The following TSHZ2 variants were observed in gnomAD, a reference collection of about 807,000 sequenced individuals.
TSHZ2 encodes the protein teashirt zinc finger homeobox 2.
Under a neutral mutation model 74.4 loss-of-function variants are expected in TSHZ2, and 21 were observed. The ratio of observed to expected loss-of-function variants is 0.28; its 90% CI spans 0.20 to 0.41. The LOEUF (loss-of-function observed/expected upper bound fraction) is 0.41. Among genes scored for constraint, TSHZ2 ranks in the 10% least tolerant of loss-of-function variants. TSHZ2 has a pLI of 1.00. For synonymous variants in TSHZ2, 540 were observed against 515.3 expected, an observed-to-expected ratio of 1.05 and a Z score of -0.65; for missense variants, 1,244 against 1,293.5, an observed-to-expected ratio of 0.96 and a Z score of 0.59.
intron 1 of TSHZ2, among the ~76,000 whole-genome samples, chr20:53,162,686 T>C (rs12479904): frequency 0.21 from 31,475 of 152,086 alleles, 3,474 homozygotes; most frequent in East Asian, 0.42. Context: ...GTGGGGGTGT[T>C]GCATGGGAAA....
chr20:53,205,635 G>A (rs1392265816), intron 1 of TSHZ2, among the ~76,000 whole-genome samples: 2 of 152,092 alleles, frequency 1.3e-5, no homozygotes, highest in African/African-American at 2.4e-5. Flanking sequence ...CATGAGATCC[G>A]AGCATATTTA....
intron 1 of TSHZ2, among the ~76,000 whole-genome samples, chr20:53,050,815 A>G (rs1168789799): frequency 1.3e-5 from 2 of 152,240 alleles, no homozygotes; most frequent in African/African-American, 2.4e-5. Flanking sequence ...ATTTGCAGAA[A>G]GGAGATAACT....
At chr20:53,153,814 C>A (rs561361506) in intron 1 of TSHZ2, among the ~76,000 whole-genome samples, 19 of 152,238 alleles carry the variant, frequency 1.2e-4, no homozygotes, top group African/African-American at 4.6e-4. Flanking sequence ...CGTGGTCCTG[C>A]AGGTCAATAA....
At chr20:53,410,033 G>A (rs1982997323) in intron 2 of TSHZ2, among the ~76,000 whole-genome samples, 1 of 151,668 alleles carries the variant, frequency 6.6e-6, no homozygotes, top group African/African-American at 2.4e-5. Context: ...TTTTAGTAGA[G>A]ACAGGGTTTC....
intron 1 of TSHZ2, among the ~76,000 whole-genome samples, chr20:53,157,830 C>T (rs1987832450): frequency 6.6e-6 from 1 of 152,050 alleles, no homozygotes; most frequent in Non-Finnish European, 1.5e-5. Flanking sequence ...TAAATACCTA[C>T]TTTATGTTTC....
intron 2 of TSHZ2, among the ~76,000 whole-genome samples, chr20:53,261,082 C>G (rs1036633543): frequency 6.6e-6 from 1 of 152,122 alleles, no homozygotes; most frequent in Admixed American, 6.5e-5. Context: ...GGTTTTGAAC[C>G]CAGGACTGTC....
chr20:53,229,651 A>G (rs1344278501), intron 1 of TSHZ2, among the ~76,000 whole-genome samples: 1 of 152,010 alleles, frequency 6.6e-6, no homozygotes, highest in Non-Finnish European at 1.5e-5. Flanking sequence ...CTTCACCCTC[A>G]TTCCCCTCAG....
intron 1 of TSHZ2, among the ~76,000 whole-genome samples, chr20:53,203,798 A>T (rs1273634014): frequency 6.6e-6 from 1 of 152,042 alleles, no homozygotes; most frequent in Non-Finnish European, 1.5e-5. Flanking sequence ...AACCAAACCC[A>T]CCTAAAAACT....
In TSHZ2 at chr20:53,185,305, C is replaced by T. The variant is rs1600729580; in HGVS notation, c.41-68194C>T. ...GACATTTATTTTTCTAGAACACACC[C>T]GACATGTAGGCTCTATTGCAATACA... On this transcript the variant is annotated intron_variant, in intron 1 of 2. Transcript: ENST00000371497. 1.6e-5 allele frequency: 17 copies of T among 1,050,826 alleles called. No homozygotes were observed. The South Asian group carries it at 4.9e-4, about 30-fold the overall frequency. 65.1% of individuals were successfully genotyped at this position (1,050,826 alleles called of 1,614,324 possible).
At chr20:53,162,334 T>C (rs143203699) in intron 1 of TSHZ2, among the ~76,000 whole-genome samples, 64 of 152,298 alleles carry the variant, frequency 4.2e-4, no homozygotes, top group Non-Finnish European at 8.2e-4. Context: ...CCGCAATGTT[T>C]TGGGTTCGGC....
At chr20:53,045,863 C>T (rs1034158318) in intron 1 of TSHZ2, among the ~76,000 whole-genome samples, 3 of 152,322 alleles carry the variant, frequency 2.0e-5, no homozygotes, top group Middle Eastern at 3.4e-3. Flanking sequence ...TTCCAAAGTG[C>T]CACTCTGCAT....
Position 53,256,136 on chromosome 20 carries a change from T to G in TSHZ2, c.2678T>G (p.Met893Arg). 4 of 1,614,026 alleles carry G rather than the reference T, an allele frequency of 2.5e-6. No homozygotes were observed. Among genetic ancestry groups the G allele is most frequent in the Non-Finnish European group, 3.4e-6 (4 of 1,179,914 alleles). The change falls in exon 2 of 3, where the codon ATG becomes AGG. Residue 893 changes from methionine to arginine, a missense_variant. Met to Arg is a moderately conservative substitution (Grantham distance 91). This residue lies in a region of TSHZ2 where 185 missense variants were observed against 213.3 expected (regional missense o/e 0.87). Transcript: ENST00000371497. This position sits in a 1 kb window ranked among gnomAD's most constrained non-coding sequence, Gnocchi z 4.3. The stretch of plus-strand genomic sequence containing the variant: ...ATCTCTAAGTTTACGGGACTCTCAA[T>G]GACCACTATCAGTCACTGGCTGGCC... ...MQISKFTGLS[M>R]TTISHWLANV...
At chr20:53,143,427 C>T in intron 1 of TSHZ2, among the ~76,000 whole-genome samples, 1 of 152,208 alleles carries the variant, frequency 6.6e-6, no homozygotes, top group East Asian at 1.9e-4. Flanking sequence ...GGCGCGGTGG[C>T]TCACGCCTTT....
At chr20:53,089,933 T>C (rs1985826008) in intron 1 of TSHZ2, among the ~76,000 whole-genome samples, 1 of 152,194 alleles carries the variant, frequency 6.6e-6, no homozygotes, top group African/African-American at 2.4e-5. Flanking sequence ...GACTCACAAT[T>C]GCAAGGTGAA....
At chr20:53,230,478 C>T (rs562893096) in intron 1 of TSHZ2, among the ~76,000 whole-genome samples, 2 of 152,334 alleles carry the variant, frequency 1.3e-5, no homozygotes, top group East Asian at 1.9e-4. Flanking sequence ...ACTCCCTCTT[C>T]TTTGTGGCAC....
intron 1 of TSHZ2, among the ~76,000 whole-genome samples, chr20:53,115,397 G>C (rs1986641746): frequency 6.6e-6 from 1 of 152,100 alleles, no homozygotes; most frequent in South Asian, 2.1e-4. Flanking sequence ...CATGGGATCT[G>C]ATGGTTCTAT....
intron 1 of TSHZ2, among the ~76,000 whole-genome samples, chr20:53,104,590 A>G (rs1986310788): frequency 1.3e-5 from 2 of 152,272 alleles, no homozygotes; most frequent in South Asian, 4.1e-4. Context: ...GAAAAAGGAC[A>G]CTGTGGTTGG....
intron 1 of TSHZ2, among the ~76,000 whole-genome samples, chr20:52,975,359 G>A (rs1981291257): frequency 6.6e-6 from 1 of 151,960 alleles, no homozygotes; most frequent in Non-Finnish European, 1.5e-5. Flanking sequence ...TACAAAAAGT[G>A]CATTGCTCAG....
At chr20:53,133,095 C>T (rs1987150459) in intron 1 of TSHZ2, among the ~76,000 whole-genome samples, 1 of 152,094 alleles carries the variant, frequency 6.6e-6, no homozygotes, top group East Asian at 1.9e-4. Flanking sequence ...TTTTTCCCTC[C>T]AGGGTGGGAA....
Sources: allele counts gnomAD v4.1 joint callset (sites outside exome capture counted in the v4.1 genomes callset), GRCh38; gene constraint gnomAD v4.1.1; regional missense constraint gnomAD v4.1.1; non-coding constraint Gnocchi (gnomAD v3.1); transcripts MANE v1.5; gene names NCBI Gene and HGNC (gene_info 2026-07-23, HGNC 2026-07-21).